Variants in ZDHHC21 observed in about 807,000 individuals in gnomAD.
The protein encoded by ZDHHC21 is zDHHC palmitoyltransferase 21.
In ZDHHC21, 15 loss-of-function variants were observed where a neutral mutation model predicts 34.6. That is an observed-to-expected ratio of 0.43 (90% CI 0.29 to 0.67). The LOEUF (loss-of-function observed/expected upper bound fraction) is 0.67, where lower values mean the gene tolerates loss of function less well. ZDHHC21 is among the 30% of genes least tolerant of loss of function. ZDHHC21 has a pLI of 0.14. For synonymous variants in ZDHHC21, 142 were observed against 101.8 expected (o/e 1.40, Z -2.38); for missense variants, 344 against 327.7 (o/e 1.05, Z -0.38).
the ZDHHC21 span, among the ~76,000 whole-genome samples, chr9:14,603,199 C>A: frequency 6.6e-6 from 1 of 151,798 alleles, no homozygotes; most frequent in South Asian, 2.1e-4. Context: ...TTAAACTATC[C>A]CTCAATAAAG....
At chr9:14,685,147 G>A (rs1210798177) in intron 2 of ZDHHC21, among the ~76,000 whole-genome samples, 1 of 151,572 alleles carries the variant, frequency 6.6e-6, no homozygotes, top group Non-Finnish European at 1.5e-5. Context: ...GCATGGGCAA[G>A]GACTTCATGT....
chr9:14,639,152 T>C (rs12552109), intron 8 of ZDHHC21, among the ~76,000 whole-genome samples: 8,329 of 152,154 alleles, frequency 0.055, 314 homozygotes, highest in Non-Finnish European at 0.08. Context: ...CTGGTATATA[T>C]ACACAATGGA....
intron 8 of ZDHHC21, among the ~76,000 whole-genome samples, chr9:14,637,175 G>C (rs1313653752): frequency 6.6e-6 from 1 of 151,890 alleles, no homozygotes; most frequent in Non-Finnish European, 1.5e-5. Context: ...ACCAAGAAGA[G>C]ACAGGACCCA....
rs372497766 is a variant in ZDHHC21 at position 14,630,056 on chromosome 9, A to G, written c.621+9840T>C. On this transcript the variant is annotated intron_variant, in intron 8 of 9. Transcript: ENST00000380916. ...AGAGACTCCATCCCAAAACAAACAA[A>G]CAAGCAAAAAAACCAATAAAGTCTG... 5.2e-4 allele frequency among the ~76,000 whole-genome samples: 79 copies of G among 152,236 alleles called. 1 individual carries two copies. In the South Asian group the frequency reaches 0.013, roughly 26 times the overall value.
chr9:14,671,779 TCTAA>T lies in ZDHHC21; in HGVS notation c.253+1047_253+1050del, dbSNP rs991726450. 4.6e-5 allele frequency among the ~76,000 whole-genome samples: 7 copies of T among 152,216 alleles called. No individual in the cohort carries two copies. The East Asian group carries it at 5.8e-4, about 13-fold the overall frequency. On this transcript the variant is annotated intron_variant, in intron 5 of 9. Transcript: ENST00000380916. ...TACAAAAACCCATAGAATTGTACAC[TCTAA>T]CTGGGTAAATTATATGGCATGTAAA...
At chr9:14,635,529 C>A (rs2133642896) in intron 8 of ZDHHC21, among the ~76,000 whole-genome samples, 1 of 152,312 alleles carries the variant, frequency 6.6e-6, no homozygotes, top group Admixed American at 6.5e-5. Flanking sequence ...TGGGATAACA[C>A]ATTCAAAGTG....
chr9:14,648,317 G>GT (rs34563129), intron 7 of ZDHHC21, among the ~76,000 whole-genome samples: 64,468 of 151,554 alleles, frequency 0.43, 13,835 homozygotes, highest in Non-Finnish European at 0.44. Flanking sequence ...TAGCAATCAG[G>GT]TTTTTTTTAC....
At chr9:14,654,153 A>T (rs1315719089) in intron 7 of ZDHHC21, among the ~76,000 whole-genome samples, 1 of 151,986 alleles carries the variant, frequency 6.6e-6, no homozygotes, top group Non-Finnish European at 1.5e-5. Flanking sequence ...ATCCACAATA[A>T]ACACCTCAGT....
At chr9:14,652,292 T>G (rs1831374759) in intron 7 of ZDHHC21, among the ~76,000 whole-genome samples, 1 of 151,966 alleles carries the variant, frequency 6.6e-6, no homozygotes, top group Admixed American at 6.6e-5. Context: ...ACAGGCCTTT[T>G]TTTAGTATAA....
intron 2 of ZDHHC21, among the ~76,000 whole-genome samples, chr9:14,687,870 G>C (rs1348482618): frequency 6.6e-6 from 1 of 150,828 alleles, no homozygotes; most frequent in South Asian, 2.1e-4. Flanking sequence ...ACAGTGCCAA[G>C]AGAAAATGCT....
intron 3 of ZDHHC21, among the ~76,000 whole-genome samples, chr9:14,676,749 G>A (rs1476372128): frequency 6.6e-6 from 1 of 151,606 alleles, no homozygotes; most frequent in Non-Finnish European, 1.5e-5. Context: ...TTTTAATAAA[G>A]GAATCTCAAA....
At chr9:14,598,231 A>G in the ZDHHC21 span, among the ~76,000 whole-genome samples, 7 of 151,992 alleles carry the variant, frequency 4.6e-5, no homozygotes, top group African/African-American at 1.7e-4. Flanking sequence ...TGCCTCTACC[A>G]CTGGTGACTG....
At chr9:14,662,414 A>C (rs1016076535) in intron 5 of ZDHHC21, 88 bp from the exon 6 acceptor site, 4 of 919,240 alleles carry the variant, frequency 4.4e-6, no homozygotes, top group Non-Finnish European at 6.4e-6. Context: ...TTTTATAGGA[A>C]GCCTTCAACA....
At chr9:14,629,821 G>A (rs1414878302) in intron 8 of ZDHHC21, among the ~76,000 whole-genome samples, 1 of 152,058 alleles carries the variant, frequency 6.6e-6, no homozygotes, top group Non-Finnish European at 1.5e-5. Context: ...GGCCGAGGCA[G>A]GTGGATATTG....
intron 3 of ZDHHC21, among the ~76,000 whole-genome samples, chr9:14,678,420 A>G (rs1587420653): frequency 6.6e-6 from 1 of 152,112 alleles, no homozygotes; most frequent in East Asian, 1.9e-4. Flanking sequence ...TAAAGAAGCA[A>G]TTCACAAAGG....
At chr9:14,643,054 C>T (rs1181726463) in intron 7 of ZDHHC21, among the ~76,000 whole-genome samples, 3 of 152,030 alleles carry the variant, frequency 2.0e-5, no homozygotes, top group Non-Finnish European at 2.9e-5. Context: ...GCCTGGCCAA[C>T]AGGCGAAACC....
chr9:14,612,632 T>C lies in ZDHHC21; in HGVS notation c.*6334A>G, dbSNP rs1823497530. 6.6e-6 allele frequency: 1 copy of C among 151,914 alleles called. No individual in the cohort carries two copies. Among genetic ancestry groups the C allele is most frequent in the Admixed American group, 6.6e-5 (1 of 15,206 alleles). 9.4% of individuals were successfully genotyped at this position (151,914 alleles called of 1,614,324 possible). On this transcript the variant is annotated 3_prime_UTR_variant, in exon 10 of 10. Transcript: ENST00000380916. Reference sequence around the variant, plus strand: ...TTTCATTAAGTTCAATTTTCTGTTATCAGTTTTGCTTAAATCAAGGTACAT... The same window carrying C: ...TTTCATTAAGTTCAATTTTCTGTTACCAGTTTTGCTTAAATCAAGGTACAT...
At chr9:14,641,520 C>T (rs1374247825) in intron 7 of ZDHHC21, among the ~76,000 whole-genome samples, 1 of 152,082 alleles carries the variant, frequency 6.6e-6, no homozygotes, top group African/African-American at 2.4e-5. Context: ...GTGAAAAAAT[C>T]CTAGATGAAC....
chr9:14,644,846 A>T (rs900989473), intron 7 of ZDHHC21, among the ~76,000 whole-genome samples: 2 of 151,854 alleles, frequency 1.3e-5, no homozygotes, highest in African/African-American at 4.8e-5. Flanking sequence ...ACATATATAT[A>T]TATATTTACT....
Sources: gnomAD v4.1 joint callset for allele counts (sites outside exome capture counted in the v4.1 genomes callset) on GRCh38, gnomAD v4.1.1 for gene constraint, MANE v1.5 for transcripts, NCBI Gene and HGNC (gene_info 2026-07-23, HGNC 2026-07-21) for gene names.